Variants in SWT1 observed in about 807,000 individuals in gnomAD.
SWT1 encodes SWT1 RNA endoribonuclease homolog.
Under a neutral mutation model 107.3 loss-of-function variants are expected in SWT1, and 33 were observed. That is an observed-to-expected ratio of 0.31 (90% CI 0.23 to 0.41). The LOEUF (loss-of-function observed/expected upper bound fraction) is 0.41, where lower values mean the gene tolerates loss of function less well. SWT1 is among the 10% of genes least tolerant of loss of function. SWT1 has a pLI of 1.00. For missense variants in SWT1, 898 were observed against 1,028.9 expected, an observed-to-expected ratio of 0.87 and a Z score of 1.74; for synonymous variants, 345 against 348.3, an observed-to-expected ratio of 0.99 and a Z score of 0.11.
intron 2 of SWT1, among the ~76,000 whole-genome samples, chr1:185,165,559 C>T (rs1654497857): frequency 6.6e-6 from 1 of 152,158 alleles, no homozygotes; most frequent in South Asian, 2.1e-4. Context: ...CATTTGCTTC[C>T]TTATAGTCTG....
intron 16 of SWT1, among the ~76,000 whole-genome samples, chr1:185,257,429 C>A (rs1032552709): frequency 2.6e-5 from 4 of 151,494 alleles, no homozygotes; most frequent in Non-Finnish European, 4.4e-5. Flanking sequence ...TAGCAATCAG[C>A]GAGACTCCGT....
chr1:185,201,334 T>C (rs1214916012), intron 10 of SWT1, among the ~76,000 whole-genome samples: 2 of 152,146 alleles, frequency 1.3e-5, no homozygotes, highest in Non-Finnish European at 2.9e-5. Flanking sequence ...AGTGTCTGCC[T>C]AAATGGCCGC....
intron 13 of SWT1, among the ~76,000 whole-genome samples, chr1:185,210,691 G>A (rs529149230): frequency 6.6e-6 from 1 of 152,168 alleles, no homozygotes; most frequent in South Asian, 2.1e-4. Context: ...TGGAAGTTCT[G>A]GCCCGGGCAC....
At position 185,214,623 on chromosome 1, in the gene SWT1, C is replaced by A; in HGVS notation, c.2089C>A (p.Gln697Lys). 6.2e-7 allele frequency: 1 copy of A among 1,610,938 alleles called. No homozygotes were observed. Among genetic ancestry groups the A allele is most frequent in the Admixed American group, 1.7e-5 (1 of 59,516 alleles). The part of the protein sequence containing the change: ...YDGILPQTFA[Q>K]VNNLLQTFAE... ...TGGTATTCTTCCACAGACCTTTGCT[C>A]AAGTAAACAACCTCCTTCAGACATT... Residue 697 changes from glutamine to lysine, a missense_variant, in exon 14 of 19, where the codon CAA becomes AAA. Gln to Lys is a moderately conservative substitution (Grantham distance 53, BLOSUM62 1). This residue lies in a region of SWT1 where 382 missense variants were observed against 460.0 expected (regional missense o/e 0.83). Coordinates refer to ENST00000367500, the MANE Select transcript of SWT1 (RefSeq NM_017673.7).
At chr1:185,290,200 C>T (rs944200075) in intron 18 of SWT1, among the ~76,000 whole-genome samples, 1 of 152,042 alleles carries the variant, frequency 6.6e-6, no homozygotes, top group Non-Finnish European at 1.5e-5. Flanking sequence ...TCACTTGAGC[C>T]CAGGAGGTTG....
At chr1:185,266,860 T>A (rs1486646977) in intron 16 of SWT1, among the ~76,000 whole-genome samples, 1 of 152,196 alleles carries the variant, frequency 6.6e-6, no homozygotes, top group Non-Finnish European at 1.5e-5. Flanking sequence ...GTGGCTCTGA[T>A]AAAGATAAAA....
intron 18 of SWT1, among the ~76,000 whole-genome samples, chr1:185,288,530 T>C (rs1441086506): frequency 1.3e-5 from 2 of 152,142 alleles, no homozygotes; most frequent in Admixed American, 1.3e-4. Context: ...TCTTCCTTTG[T>C]ACTCTCCATC....
chr1:185,176,778 A>T (rs1331298687), intron 5 of SWT1: 34 of 648,632 alleles, frequency 5.2e-5, no homozygotes, highest in South Asian at 6.9e-5. Context: ...AGGTCAGGAG[A>T]TCGAGACCAT....
intron 14 of SWT1, among the ~76,000 whole-genome samples, chr1:185,218,492 G>T (rs979831667): frequency 6.6e-6 from 1 of 151,938 alleles, no homozygotes; most frequent in Non-Finnish European, 1.5e-5. Context: ...AAATTTTTTT[G>T]TACAGACTAG....
At chr1:185,224,734 ATTGTTTTC>A (rs1219525872) in intron 15 of SWT1, among the ~76,000 whole-genome samples, 1 of 151,898 alleles carries the variant, frequency 6.6e-6, no homozygotes, top group Non-Finnish European at 1.5e-5. Flanking sequence ...TATAAATTGA[ATTGTTTTC>A]TTGTTTTCTT....
chr1:185,184,601 A>G (rs1465616830), intron 8 of SWT1, 142 bp from the exon 9 acceptor site: 1 of 597,946 alleles, frequency 1.7e-6, no homozygotes, highest in Non-Finnish European at 2.8e-6. Flanking sequence ...TTTCCATTTT[A>G]TAATATATTG....
intron 4 of SWT1, among the ~76,000 whole-genome samples, chr1:185,168,885 C>G (rs1386011555): frequency 6.6e-6 from 1 of 152,124 alleles, no homozygotes; most frequent in Non-Finnish European, 1.5e-5. Flanking sequence ...TCTTTAATTT[C>G]TGCACTTTTT....
chr1:185,266,994 G>A (rs531737103), intron 16 of SWT1, among the ~76,000 whole-genome samples: 30 of 152,114 alleles, frequency 2.0e-4, no homozygotes, highest in Admixed American at 3.9e-4. Context: ...TATTTCATTT[G>A]ATTTTGTAAA....
intron 18 of SWT1, among the ~76,000 whole-genome samples, chr1:185,288,350 A>T (rs190777676): frequency 1.3e-5 from 2 of 152,200 alleles, no homozygotes. Context: ...AGTTGCTAGG[A>T]TTACAGATGT....
intron 4 of SWT1, among the ~76,000 whole-genome samples, chr1:185,171,925 A>G (rs1558009730): frequency 6.6e-6 from 1 of 152,146 alleles, no homozygotes; most frequent in Non-Finnish European, 1.5e-5. Flanking sequence ...ACAAAGACAT[A>G]CCTACATTCA....
chr1:185,209,396 C>T (rs968244498), intron 13 of SWT1, among the ~76,000 whole-genome samples: 3 of 151,998 alleles, frequency 2.0e-5, no homozygotes, highest in African/African-American at 7.3e-5. Flanking sequence ...CCTGACAGGC[C>T]CCAGTGTGTG....
intron 16 of SWT1, among the ~76,000 whole-genome samples, chr1:185,255,871 A>G (rs1662462239): frequency 6.6e-6 from 1 of 151,484 alleles, no homozygotes; most frequent in East Asian, 1.9e-4. Flanking sequence ...GTTTCTTCCT[A>G]GTCTTGATGG....
intron 16 of SWT1, chr1:185,264,193 T>C (rs1663225434): frequency 3.9e-6 from 1 of 257,036 alleles, no homozygotes; most frequent in South Asian, 1.5e-4. Context: ...GGCGCCTCTT[T>C]TTTTTTTTAA....
rs1033903314 is a variant in SWT1, at chr1:185,282,606, A to G, written c.2573+5938A>G. Among the ~76,000 whole-genome samples the G allele has an allele frequency of 3.9e-5, 6 of 151,906 alleles. No individual in the cohort carries two copies. In the South Asian group the frequency reaches 1.3e-3, roughly 32 times the overall value. On this transcript the variant is annotated intron_variant, in intron 18 of 18. Transcript: ENST00000367500. ...ACCTGAGGAGGGAGTTGTTGTGGGA[A>G]CCCTCCTGATTTATAAGCCAGTTGG...
Sources: allele counts gnomAD v4.1 joint callset (sites outside exome capture counted in the v4.1 genomes callset), GRCh38; gene constraint gnomAD v4.1.1; regional missense constraint gnomAD v4.1.1; transcripts MANE v1.5; gene names NCBI Gene and HGNC (gene_info 2026-07-23, HGNC 2026-07-21).